Variants in CLSTN2 observed in about 807,000 individuals in gnomAD.
CLSTN2 encodes the protein calsyntenin 2.
In CLSTN2, 48 loss-of-function variants were observed where a neutral mutation model predicts 101.2. The observed-to-expected ratio is 0.47, with a 90% CI of 0.38 to 0.60. The LOEUF is 0.60. Ranked by LOEUF, CLSTN2 falls within the 20% of genes least tolerant of loss-of-function variation. CLSTN2 has a pLI of 0.00. For synonymous variants in CLSTN2, 481 were observed against 463.6 expected, an observed-to-expected ratio of 1.04 and a Z score of -0.48; for missense variants, 1,160 against 1,238.2, an observed-to-expected ratio of 0.94 and a Z score of 0.95.
chr3:140,093,804 T>G (rs577664834), intron 1 of CLSTN2, among the ~76,000 whole-genome samples: 62 of 152,232 alleles, frequency 4.1e-4, no homozygotes, highest in Non-Finnish European at 7.1e-4. Context: ...ACAATTAGTA[T>G]GTCAAACCTA....
intron 1 of CLSTN2, among the ~76,000 whole-genome samples, chr3:140,064,200 C>T (rs1176008927): frequency 6.6e-6 from 1 of 152,212 alleles, no homozygotes; most frequent in Non-Finnish European, 1.5e-5. Context: ...AATCACTTCC[C>T]TCCTCAGACC....
At chr3:140,533,182 C>A (rs1190778852) in intron 9 of CLSTN2, among the ~76,000 whole-genome samples, 2 of 152,220 alleles carry the variant, frequency 1.3e-5, no homozygotes, top group Non-Finnish European at 2.9e-5. Context: ...TGCGTGTGAT[C>A]TTTCTGTCTC....
chr3:140,047,941 T>A (rs748835587), intron 1 of CLSTN2, among the ~76,000 whole-genome samples: 2 of 152,182 alleles, frequency 1.3e-5, no homozygotes, highest in Non-Finnish European at 2.9e-5. Flanking sequence ...TAGCAATACG[T>A]TAACGCTATA....
chr3:139,988,467 C>G (rs557145472), intron 1 of CLSTN2, among the ~76,000 whole-genome samples: 2 of 152,230 alleles, frequency 1.3e-5, no homozygotes, highest in African/African-American at 4.8e-5. Context: ...TTACAAAGTC[C>G]GTTTATTGAG....
In CLSTN2 at chr3:140,022,643, G is replaced by T. The variant is rs2007342532; in HGVS notation, c.109+87160G>T. Among the ~76,000 whole-genome samples, 3 of 152,230 alleles carry T rather than the reference G, an allele frequency of 2.0e-5. No individual in the cohort carries two copies. The South Asian group carries it at 6.2e-4, about 31-fold the overall frequency. ...AGGCAATGGGGAGGGCCAGGAAGGA[G>T]AGTGACCTAATTTCACCCATGGTGC... On this transcript the variant is annotated intron_variant, in intron 1 of 16. Coordinates refer to ENST00000458420, the MANE Select transcript of CLSTN2 (RefSeq NM_022131.3).
chr3:140,216,427 T>C (rs1443975146), intron 2 of CLSTN2, among the ~76,000 whole-genome samples: 1 of 152,188 alleles, frequency 6.6e-6, no homozygotes, highest in Non-Finnish European at 1.5e-5. Context: ...CTCATTCCAC[T>C]GTCTACCCTC....
At chr3:140,312,868 G>A (rs910902978) in intron 2 of CLSTN2, among the ~76,000 whole-genome samples, 4 of 152,252 alleles carry the variant, frequency 2.6e-5, no homozygotes, top group Non-Finnish European at 5.9e-5. Flanking sequence ...AACCTTTAAA[G>A]GGTTGACATT....
chr3:139,970,968 G>A (rs1935688790), intron 1 of CLSTN2, among the ~76,000 whole-genome samples: 1 of 152,170 alleles, frequency 6.6e-6, no homozygotes, highest in South Asian at 2.1e-4. Flanking sequence ...TGTAAAAACT[G>A]GGGTAGGCAA....
intron 1 of CLSTN2, among the ~76,000 whole-genome samples, chr3:139,968,195 A>T (rs1263252474): frequency 6.6e-6 from 1 of 152,192 alleles, no homozygotes; most frequent in Non-Finnish European, 1.5e-5. Flanking sequence ...AATAAACTGG[A>T]AGCCAGAATT....
intron 2 of CLSTN2, among the ~76,000 whole-genome samples, chr3:140,247,941 T>C (rs977481078): frequency 8.5e-5 from 13 of 152,192 alleles, no homozygotes; most frequent in African/African-American, 2.9e-4. Flanking sequence ...TTAATTGGTT[T>C]GTGGTTGGGC....
intron 1 of CLSTN2, among the ~76,000 whole-genome samples, chr3:140,117,124 T>G (rs928334757): frequency 6.6e-6 from 1 of 152,144 alleles, no homozygotes; most frequent in Admixed American, 6.5e-5. Context: ...TGCTTTCTCA[T>G]TCCTCAGAGT....
Position 140,459,521 on chromosome 3 carries a change from G to A in CLSTN2, c.974G>A (p.Gly325Glu). ...YSEKSLQKLCGASSGIIDLLP... is the reference protein window; with the variant it reads ...YSEKSLQKLCEASSGIIDLLP... The stretch of plus-strand genomic sequence containing the variant: ...TCCTTTCTTTCCTGACCCTCTGCAG[G>A]AGCCTCCTCTGGCATCATTGACCTC... The change falls in exon 7 of 17, where the codon GGA becomes GAA. Residue 325 changes from glycine (G) to glutamate (E), a missense_variant and splice_region_variant. By Grantham distance (98) the Gly-to-Glu change is moderately conservative (BLOSUM62 -2). Transcript: ENST00000458420. The A allele has an allele frequency of 6.2e-7, 1 of 1,613,666 alleles. No homozygotes were observed. The highest frequency in any genetic ancestry group is 1.7e-5 in the Admixed American group (1 of 60,012).
At chr3:140,070,161 A>C (rs1049398819) in intron 1 of CLSTN2, among the ~76,000 whole-genome samples, 4 of 152,356 alleles carry the variant, frequency 2.6e-5, no homozygotes, top group Admixed American at 2.0e-4. Context: ...GCCAGATTCC[A>C]TTTAGATAAC....
At chr3:140,154,945 C>T (rs970452486) in intron 1 of CLSTN2, among the ~76,000 whole-genome samples, 1 of 152,150 alleles carries the variant, frequency 6.6e-6, no homozygotes, top group African/African-American at 2.4e-5. Context: ...TGAGAACTCA[C>T]TCAGTATGAT....
chr3:140,086,479 C>T (rs2008682982), intron 1 of CLSTN2, among the ~76,000 whole-genome samples: 1 of 152,154 alleles, frequency 6.6e-6, no homozygotes, highest in Non-Finnish European at 1.5e-5. Flanking sequence ...TGGATTGAAT[C>T]ATCTAATATG....
At chr3:140,130,990 A>G (rs1172663402) in intron 1 of CLSTN2, among the ~76,000 whole-genome samples, 2 of 152,100 alleles carry the variant, frequency 1.3e-5, no homozygotes, top group African/African-American at 2.4e-5. Flanking sequence ...CCTTTCAATA[A>G]CAGCGCCAGG....
At chr3:139,987,564 A>G (rs1353979170) in intron 1 of CLSTN2, among the ~76,000 whole-genome samples, 3 of 152,204 alleles carry the variant, frequency 2.0e-5, no homozygotes, top group Non-Finnish European at 4.4e-5. Context: ...CTTAGAGCTT[A>G]TATTGCATAG....
intron 8 of CLSTN2, among the ~76,000 whole-genome samples, chr3:140,512,242 G>A (rs920257699): frequency 6.6e-6 from 1 of 151,924 alleles, no homozygotes; most frequent in Non-Finnish European, 1.5e-5. Flanking sequence ...GTATTGCCTG[G>A]GTTTTCTTCT....
chr3:140,498,806 A>G (rs918060067), intron 8 of CLSTN2, among the ~76,000 whole-genome samples: 13 of 152,256 alleles, frequency 8.5e-5, no homozygotes, highest in Non-Finnish European at 1.6e-4. Flanking sequence ...CTTGAATGGA[A>G]TGTCTCAGGC....
Sources: allele counts gnomAD v4.1 joint callset (sites outside exome capture counted in the v4.1 genomes callset), GRCh38; gene constraint gnomAD v4.1.1; transcripts MANE v1.5; gene names NCBI Gene and HGNC (gene_info 2026-07-23, HGNC 2026-07-21).